The following ATP6V1B2 variants were observed in gnomAD, a reference collection of about 807,000 sequenced individuals.
ATP6V1B2 encodes the protein ATPase H+ transporting V1 subunit B2.
In ATP6V1B2, 23 loss-of-function variants were observed where a neutral mutation model predicts 66.7. That is an observed-to-expected ratio of 0.34 (90% CI 0.25 to 0.49). The LOEUF (loss-of-function observed/expected upper bound fraction) is 0.49, where lower values mean the gene tolerates loss of function less well. ATP6V1B2 is among the 20% of genes least tolerant of loss of function. ATP6V1B2 has a pLI of 0.99. For synonymous variants in ATP6V1B2, 278 were observed against 236.7 expected (o/e 1.17, Z -1.60); for missense variants, 478 against 650.8 (o/e 0.73, Z 2.89).
At chr8:20,210,860 A>G (rs903102125) in intron 5 of ATP6V1B2, among the ~76,000 whole-genome samples, 2 of 152,176 alleles carry the variant, frequency 1.3e-5, no homozygotes, top group African/African-American at 2.4e-5. Flanking sequence ...TAAAATATCT[A>G]GGATATATCT....
At chr8:20,198,509 A>G (rs944892529) in intron 1 of ATP6V1B2, among the ~76,000 whole-genome samples, 4 of 152,238 alleles carry the variant, frequency 2.6e-5, no homozygotes, top group African/African-American at 9.6e-5. Flanking sequence ...GTTGTGTAGC[A>G]TCCAACTTCT....
chr8:20,197,652 C>G, intron 1 of ATP6V1B2, 110 bp downstream of exon 1: 1 of 1,244,952 alleles, frequency 8.0e-7, no homozygotes, highest in Non-Finnish European at 1.0e-6. Flanking sequence ...TTTTCCCTCC[C>G]GCGTCTCCCC....
intron 13 of ATP6V1B2, among the ~76,000 whole-genome samples, chr8:20,218,717 C>T (rs62498258): frequency 1.3e-5 from 2 of 152,246 alleles, no homozygotes; most frequent in Non-Finnish European, 2.9e-5. Flanking sequence ...AGCTCAGTTA[C>T]CTGTTCTTTC....
At position 20,208,548 on chromosome 8, in the gene ATP6V1B2, C is replaced by T. The variant is rs192475342; in HGVS notation, c.193-885C>T. ...AAAACAAATTGCGGAGTGATTAGTA[C>T]GTTGCCATTTATGTAAATCACCAAA... On this transcript the variant is annotated intron_variant, in intron 2 of 13. Transcript: ENST00000276390. 6.6e-5 allele frequency among the ~76,000 whole-genome samples: 10 copies of T among 152,146 alleles called. No individual in the cohort carries two copies. In the East Asian group the frequency reaches 1.2e-3, roughly 18 times the overall value.
At chr8:20,213,805 C>T in intron 9 of ATP6V1B2, 1 of 152,272 alleles carries the variant, frequency 6.6e-6, no homozygotes, top group Non-Finnish European at 1.5e-5. Context: ...CTCACCATAT[C>T]TTACTCTGCT....
At position 20,216,393 on chromosome 8, in the gene ATP6V1B2, C is replaced by A; in HGVS notation, c.1079-20C>A. 6.2e-7 allele frequency: 1 copy of A among 1,600,010 alleles called. No individual in the cohort carries two copies. Among genetic ancestry groups the A allele is most frequent in the South Asian group, 1.1e-5 (1 of 90,678 alleles). ...AACCTAAAGATGCCATGCTTAATGC[C>A]AACTGTCTTCCTCTGGTAGATATCA... On this transcript the variant is annotated intron_variant, in intron 10 of 13. Coordinates refer to ENST00000276390, the MANE Select transcript of ATP6V1B2 (RefSeq NM_001693.4).
At chr8:20,208,704 ACTTT>A (rs1177980648) in intron 2 of ATP6V1B2, among the ~76,000 whole-genome samples, 1 of 138,244 alleles carries the variant, frequency 7.2e-6, no homozygotes, top group Non-Finnish European at 1.5e-5. Flanking sequence ...TTATTTAGTA[ACTTT>A]CTTTTTTTTT....
chr8:20,216,932 G>A (rs1401604375), intron 11 of ATP6V1B2: 2 of 362,636 alleles, frequency 5.5e-6, no homozygotes, highest in East Asian at 4.9e-5. Context: ...CGATAATGTG[G>A]TAGTACTTAT....
At chr8:20,199,311 C>T (rs1450848329) in intron 1 of ATP6V1B2, among the ~76,000 whole-genome samples, 1 of 152,180 alleles carries the variant, frequency 6.6e-6, no homozygotes, top group Admixed American at 6.5e-5. Context: ...TAGCACAGTG[C>T]CTGACACATA....
chr8:20,204,651 G>A, intron 2 of ATP6V1B2, 112 bp downstream of exon 2: 6 of 841,740 alleles, frequency 7.1e-6, no homozygotes, highest in Non-Finnish European at 1.1e-5. Context: ...TTTAGACTGG[G>A]TGTCAGTCAG....
At chr8:20,207,982 A>T (rs555434687) in intron 2 of ATP6V1B2, among the ~76,000 whole-genome samples, 1 of 152,248 alleles carries the variant, frequency 6.6e-6, no homozygotes. Context: ...CAGTATTGGT[A>T]CAAGTTAGGA....
intron 9 of ATP6V1B2, chr8:20,213,154 T>G (rs555114582): frequency 3.5e-5 from 15 of 431,460 alleles, no homozygotes; most frequent in African/African-American, 2.7e-4. Context: ...AAGAAATGAT[T>G]GTAAAAGGGA....
At chr8:20,212,262 TG>T in intron 8 of ATP6V1B2, 63 bp downstream of exon 8, 1 of 1,514,368 alleles carries the variant, frequency 6.6e-7, no homozygotes, top group Non-Finnish European at 9.1e-7. Flanking sequence ...GTCTTAAGGT[TG>T]GGGAGGTAAA....
chr8:20,203,336 C>T (rs1213711926), intron 1 of ATP6V1B2, among the ~76,000 whole-genome samples: 1 of 152,158 alleles, frequency 6.6e-6, no homozygotes, highest in Admixed American at 6.5e-5. Flanking sequence ...CTGCTCTGTC[C>T]CAGCATTTTT....
Position 20,210,716 on chromosome 8 carries a change from T to C in ATP6V1B2, c.463+70T>C, listed in dbSNP as rs1563810405. On this transcript the variant is annotated intron_variant, in intron 5 of 13. Coordinates refer to ENST00000276390, the MANE Select transcript of ATP6V1B2 (RefSeq NM_001693.4). ...CACTCTGTCTTGTACCTTTGCCAGATAGAGAGTGTTTTTTGTGATATCACT... is the reference window on the plus strand; with the variant it reads ...CACTCTGTCTTGTACCTTTGCCAGACAGAGAGTGTTTTTTGTGATATCACT... 2.9e-6 allele frequency: 4 copies of C among 1,384,468 alleles called. No homozygotes were observed. In the African/African-American group the frequency reaches 5.7e-5, roughly 20 times the overall value. The allele number at this position is 1,384,468 out of a possible 1,614,324, so 85.8% of individuals were successfully genotyped here.
chr8:20,197,488 G>T lies in ATP6V1B2; in HGVS notation c.82G>T (p.Ala28Ser), dbSNP rs1042378. Residue 28 changes from alanine (A) to serine (S), a missense_variant, in exon 1 of 14, where the codon GCT (alanine) becomes TCT (serine). By Grantham distance (99) the Ala-to-Ser change is moderately conservative. Transcript: ENST00000276390. Reference protein sequence around the residue: ...PVPTGGPAVGAREQALAVSRN... With the variant: ...PVPTGGPAVGSREQALAVSRN... Reference sequence around the variant, plus strand: ...GCCCACCGGTGGGCCGGCGGTGGGAGCTCGGGAGCAGGCGCTGGCAGTCAG... The same window carrying T: ...GCCCACCGGTGGGCCGGCGGTGGGATCTCGGGAGCAGGCGCTGGCAGTCAG... 6.6e-7 allele frequency: 1 copy of T among 1,507,432 alleles called. No homozygotes were observed. The allele number at this position is 1,507,432 out of a possible 1,614,324, so 93.4% of individuals were successfully genotyped here.
intron 13 of ATP6V1B2, among the ~76,000 whole-genome samples, chr8:20,219,845 G>A (rs2072890865): frequency 6.6e-6 from 1 of 152,132 alleles, no homozygotes; most frequent in Non-Finnish European, 1.5e-5. Context: ...TGCTTGACTG[G>A]CATTTATGTC....
In ATP6V1B2 at chr8:20,197,469, C is replaced by T. The variant is rs554709863; in HGVS notation, c.63C>T (p.Thr21=). The T allele has an allele frequency of 4.6e-6, 7 of 1,523,330 alleles. No individual in the cohort carries two copies. The highest frequency in any genetic ancestry group is 4.3e-5 in the Admixed American group (2 of 46,638). 94.4% of individuals were successfully genotyped at this position (1,523,330 alleles called of 1,614,324 possible). The change falls in exon 1 of 14, where the codon ACC becomes ACT. Residue 21 remains threonine, a synonymous_variant. Transcript: ENST00000276390. ...CCGCACCCGAGCTACCCGTGCCCAC[C>T]GGTGGGCCGGCGGTGGGAGCTCGGG... is the stretch of plus-strand genomic sequence containing the variant. The part of the protein sequence containing the change: ...NGAAPELPVP[T]GGPAVGAREQ...
At position 20,220,306 on chromosome 8, in the gene ATP6V1B2, C is replaced by T; in HGVS notation, c.1440C>T (p.Gly480=). 6.2e-7 allele frequency: 1 copy of T among 1,604,340 alleles called. No homozygotes were observed. The highest frequency in any genetic ancestry group is 8.5e-7 in the Non-Finnish European group (1 of 1,177,396). The change falls in exon 14 of 14, where the codon GGC becomes GGT. Residue 480 remains glycine (G), a synonymous_variant. Transcript: ENST00000276390. ...CTGTCTTTGAGACTTTGGACATTGG[C>T]TGGCAGCTACTCCGAATCTTCCCCA... ...NRTVFETLDI[G]WQLLRIFPKE...
Sources: allele counts gnomAD v4.1 joint callset (sites outside exome capture counted in the v4.1 genomes callset), GRCh38; gene constraint gnomAD v4.1.1; transcripts MANE v1.5; gene names NCBI Gene and HGNC (gene_info 2026-07-23, HGNC 2026-07-21).